Variants in MAPKBP1 observed in about 807,000 individuals in gnomAD.
MAPKBP1 encodes mitogen-activated protein kinase-binding protein 1.
Under a neutral mutation model 170.5 loss-of-function variants are expected in MAPKBP1, and 71 were observed. The ratio of observed to expected loss-of-function variants is 0.42; its 90% CI spans 0.34 to 0.51. MAPKBP1 has a LOEUF of 0.51. MAPKBP1 is among the 20% of genes least tolerant of loss of function. MAPKBP1 has a pLI of 0.06. For synonymous variants in MAPKBP1, 719 were observed against 757.9 expected, an observed-to-expected ratio of 0.95 and a Z score of 0.84; for missense variants, 1,598 against 1,933.0, an observed-to-expected ratio of 0.83 and a Z score of 3.25.
intron 2 of MAPKBP1, among the ~76,000 whole-genome samples, chr15:41,779,725 G>A (rs930457016): frequency 2.0e-5 from 3 of 152,178 alleles, no homozygotes; most frequent in Non-Finnish European, 2.9e-5. Context: ...CAATACACAC[G>A]CTCTGAGTTC....
chr15:41,786,030 C>T (rs1288958719), intron 2 of MAPKBP1, among the ~76,000 whole-genome samples: 1 of 152,076 alleles, frequency 6.6e-6, no homozygotes, highest in Admixed American at 6.5e-5. Flanking sequence ...AGATGAAATT[C>T]CTTGTACCTG....
chr15:41,821,777 C>G (rs201550328), intron 24 of MAPKBP1, 27 bp downstream of exon 24: 1 of 1,610,292 alleles, frequency 6.2e-7, no homozygotes, highest in Admixed American at 1.7e-5. Flanking sequence ...AGCCAGACCC[C>G]GTGCCCCCGT....
At position 41,818,890 on chromosome 15, in the gene MAPKBP1, C is replaced by T. The variant is rs540170901; in HGVS notation, c.2224C>T (p.Arg742Cys). The T allele has an allele frequency of 1.3e-5, 21 of 1,614,218 alleles. No homozygotes were observed. In the African/African-American group the frequency reaches 1.6e-4, roughly 12 times the overall value. ...CATGAGGCAGCGTCTGGCCGAGTTG[C>T]GCCAGCGTCAGCGGGGCGGCAAGCA... Reference protein sequence around the residue: ...ISMRQRLAELRQRQRGGKQQG... With the variant: ...ISMRQRLAELCQRQRGGKQQG... The change falls in exon 20 of 31, where the codon CGC becomes TGC. Residue 742 changes from arginine to cysteine, a missense_variant. Around this residue, in one of 6 missense-constraint regions of MAPKBP1, gnomAD observed 63 missense variants for 115.2 expected, o/e 0.55. Transcript: ENST00000457542. This position sits in a 1 kb window ranked among gnomAD's most constrained non-coding sequence, Gnocchi z 5.2.
At chr15:41,783,952 T>G (rs946029985) in intron 2 of MAPKBP1, among the ~76,000 whole-genome samples, 1 of 152,056 alleles carries the variant, frequency 6.6e-6, no homozygotes, top group Admixed American at 6.5e-5. Flanking sequence ...GAGCTTACAG[T>G]GAGCCGAGAT....
At chr15:41,814,883 G>A in intron 10 of MAPKBP1, 144 bp downstream of exon 10, 2 of 1,091,580 alleles carry the variant, frequency 1.8e-6, no homozygotes, top group Non-Finnish European at 2.7e-6. Flanking sequence ...ATAGATCCTG[G>A]GGACTGAGTT....
chr15:41,798,094 CA>C, intron 2 of MAPKBP1, among the ~76,000 whole-genome samples: 1 of 151,126 alleles, frequency 6.6e-6, no homozygotes, highest in East Asian at 2.0e-4. Context: ...ACTGAAAATA[CA>C]AAAAACTAGC....
At chr15:41,811,303 G>T in intron 5 of MAPKBP1, 68 bp downstream of exon 5, 3 of 1,561,574 alleles carry the variant, frequency 1.9e-6, no homozygotes, top group Non-Finnish European at 1.8e-6. Context: ...AGAGAGCTGC[G>T]GTCCTAGGCC....
Position 41,779,479 on chromosome 15 carries a change from G to C in MAPKBP1, c.114+4090G>C, listed in dbSNP as rs2064148481. Among the ~76,000 whole-genome samples, 3 of 152,202 alleles carry C rather than the reference G, an allele frequency of 2.0e-5. No homozygotes were observed. In the South Asian group the frequency reaches 6.2e-4, roughly 31 times the overall value. ...CTGCCTCAGCCTCCCAAAGTGCTGG[G>C]ATTACAGGTATGAGCCACCACGCCC... is the stretch of plus-strand genomic sequence containing the variant. On this transcript the variant is annotated intron_variant, in intron 2 of 30. Transcript: ENST00000457542.
intron 8 of MAPKBP1, 149 bp from the exon 9 acceptor site, chr15:41,813,472 G>A: frequency 7.1e-7 from 1 of 1,399,364 alleles, no homozygotes; most frequent in Middle Eastern, 1.8e-4. Flanking sequence ...GGACAGGGCT[G>A]AGGGGCTCAG....
chr15:41,821,239 C>T (rs1567154930), intron 23 of MAPKBP1, 171 bp downstream of exon 23: 2 of 694,300 alleles, frequency 2.9e-6, no homozygotes, highest in Non-Finnish European at 4.8e-6. Context: ...ATGGTTTGGT[C>T]ATCAGGATAG....
chr15:41,800,619 G>T (rs2064575189), intron 3 of MAPKBP1, among the ~76,000 whole-genome samples: 1 of 152,152 alleles, frequency 6.6e-6, no homozygotes, highest in South Asian at 2.1e-4. Context: ...ACAGGCGTGA[G>T]CCACTGTGCC....
intron 2 of MAPKBP1, among the ~76,000 whole-genome samples, chr15:41,776,370 G>C (rs1055773152): frequency 6.6e-6 from 1 of 152,214 alleles, no homozygotes; most frequent in Admixed American, 6.5e-5. Flanking sequence ...CAAATGGCAG[G>C]GTTCTGGGAG....
At chr15:41,793,958 G>A (rs2064439761) in intron 2 of MAPKBP1, among the ~76,000 whole-genome samples, 1 of 152,154 alleles carries the variant, frequency 6.6e-6, no homozygotes, top group African/African-American at 2.4e-5. Context: ...TTGGCCGGGC[G>A]CGGTGGCTCA....
At position 41,818,915 on chromosome 15, in the gene MAPKBP1, A is replaced by G. The variant is rs776515716; in HGVS notation, c.2249A>G (p.Gln750Arg). ...ELRQRQRGGK[Q>R]QGPSSPQRAS... ...CGCCAGCGTCAGCGGGGCGGCAAGC[A>G]GCAAGGACCATCCTCTCCCCAAAGG... The change falls in exon 20 of 31, where the codon CAG becomes CGG. Residue 750 changes from glutamine to arginine, a missense_variant. This residue lies in a region of MAPKBP1 where 63 missense variants were observed against 115.2 expected (regional missense o/e 0.55). Coordinates refer to ENST00000457542, the MANE Select transcript of MAPKBP1 (RefSeq NM_014994.3). This position sits in a 1 kb window ranked among gnomAD's most constrained non-coding sequence, Gnocchi z 5.2. The G allele has an allele frequency of 3.1e-6, 5 of 1,614,098 alleles. No homozygotes were observed. Among genetic ancestry groups the G allele is most frequent in the Non-Finnish European group, 4.2e-6 (5 of 1,180,040 alleles).
intron 2 of MAPKBP1, among the ~76,000 whole-genome samples, chr15:41,788,269 T>A (rs2064335246): frequency 6.6e-6 from 1 of 152,198 alleles, no homozygotes; most frequent in African/African-American, 2.4e-5. Context: ...ATTTTAAGTT[T>A]TTTAAAAATG....
chr15:41,774,536 C>A lies in MAPKBP1; in HGVS notation c.-184C>A, dbSNP rs1416791473. ...CTGCTGCCTCTACCGCTGCGGCTAC[C>A]GCGGCGGAGCTGAAATTGCCGAACG... On this transcript the variant is annotated 5_prime_UTR_variant, in exon 1 of 31. Coordinates refer to ENST00000457542, the MANE Select transcript of MAPKBP1 (RefSeq NM_014994.3). 9 of 398,516 alleles carry A rather than the reference C, an allele frequency of 2.3e-5. No individual in the cohort carries two copies. The highest frequency in any genetic ancestry group is 4.4e-5 in the Admixed American group (1 of 22,720). 24.7% of individuals were successfully genotyped at this position (398,516 alleles called of 1,614,324 possible). A position where few individuals can be genotyped will look rare whatever the true frequency, so the allele number is the denominator to read the frequency against.
At chr15:41,794,274 T>C (rs1202924388) in intron 2 of MAPKBP1, among the ~76,000 whole-genome samples, 2 of 152,138 alleles carry the variant, frequency 1.3e-5, no homozygotes, top group African/African-American at 2.4e-5. Context: ...TTCTTCATAC[T>C]CTTTCCCTCC....
intron 2 of MAPKBP1, among the ~76,000 whole-genome samples, chr15:41,781,817 G>A (rs1027550829): frequency 9.9e-5 from 15 of 152,160 alleles, no homozygotes; most frequent in Non-Finnish European, 1.9e-4. Flanking sequence ...CAGGATTTGA[G>A]TGTTGCTCCT....
chr15:41,821,828 G>C lies in MAPKBP1; in HGVS notation c.2885+78G>C, dbSNP rs535836919. The C allele has an allele frequency of 6.7e-5, 107 of 1,589,708 alleles. No homozygotes were observed. In the African/African-American group the frequency reaches 1.3e-3, roughly 19 times the overall value. On this transcript the variant is annotated intron_variant, in intron 24 of 30. Transcript: ENST00000457542. The stretch of plus-strand genomic sequence containing the variant: ...AGTGTTCTTTAGTCGAGGGAGGGTT[G>C]GCCCCCAGGATACTCAGGGCTTTCC...
Sources: gnomAD v4.1 joint callset for allele counts (sites outside exome capture counted in the v4.1 genomes callset) on GRCh38, gnomAD v4.1.1 for gene constraint, gnomAD v4.1.1 regional missense constraint, Gnocchi (gnomAD v3.1) non-coding constraint, MANE v1.5 for transcripts, NCBI Gene and HGNC (gene_info 2026-07-23, HGNC 2026-07-21) for gene names.